The following ITFG1 variants were observed in gnomAD, a reference collection of about 807,000 sequenced individuals.
The protein encoded by ITFG1 is integrin alpha FG-GAP repeat containing 1.
In ITFG1, 34 loss-of-function variants were observed where a neutral mutation model predicts 81.8. The observed-to-expected ratio is 0.42, with a 90% CI of 0.32 to 0.55. ITFG1 has a LOEUF of 0.55. Ranked by LOEUF, ITFG1 falls within the 20% of genes least tolerant of loss-of-function variation. The pLI, the probability that ITFG1 is intolerant of heterozygous loss-of-function variation, is 0.17. For missense variants in ITFG1, 672 were observed against 755.4 expected (o/e 0.89, Z 1.29); for synonymous variants, 285 against 270.6 (o/e 1.05, Z -0.52).
At chr16:47,308,428 A>G (rs1346652981) in intron 10 of ITFG1, among the ~76,000 whole-genome samples, 2 of 152,228 alleles carry the variant, frequency 1.3e-5, no homozygotes, top group Non-Finnish European at 2.9e-5. Flanking sequence ...GTAACCTTTC[A>G]TTGATGAGTC....
At chr16:47,267,700 C>T (rs753596325) in intron 10 of ITFG1, among the ~76,000 whole-genome samples, 3 of 151,982 alleles carry the variant, frequency 2.0e-5, no homozygotes, top group Admixed American at 6.6e-5. Context: ...TTAAGTCATA[C>T]AAAATATTTT....
In ITFG1 at chr16:47,318,532, T is replaced by C. The variant is rs936327942; in HGVS notation, c.803-4709A>G. The stretch of plus-strand genomic sequence containing the variant: ...AAAATTATGGTTTCAATTGTTACAT[T>C]AAATTAAAATTTATATTTTACGCTC... On this transcript the variant is annotated intron_variant, in intron 8 of 17. Transcript: ENST00000320640. Among the ~76,000 whole-genome samples, 47 of 152,296 alleles carry C rather than the reference T, an allele frequency of 3.1e-4. No homozygotes were observed. In the East Asian group the frequency reaches 6.2e-3, roughly 20 times the overall value.
chr16:47,249,969 A>G (rs1966050729), intron 12 of ITFG1, among the ~76,000 whole-genome samples: 1 of 152,230 alleles, frequency 6.6e-6, no homozygotes, highest in Non-Finnish European at 1.5e-5. Flanking sequence ...TAATGGTTTT[A>G]GTTGTGTTTA....
chr16:47,201,190 A>C (rs1260168237), intron 14 of ITFG1, among the ~76,000 whole-genome samples: 1 of 151,928 alleles, frequency 6.6e-6, no homozygotes, highest in Non-Finnish European at 1.5e-5. Context: ...AAAGAATCTG[A>C]ATTTATATTT....
chr16:47,307,120 A>AG (rs1967180396), intron 10 of ITFG1, among the ~76,000 whole-genome samples: 1 of 148,920 alleles, frequency 6.7e-6, no homozygotes, highest in Non-Finnish European at 1.5e-5. Context: ...AAAAAAAAAA[A>AG]AAACGGAGAA....
rs138472396 is a variant in ITFG1, at chr16:47,303,555, G to A, written c.1070+7685C>T. Reference sequence around the variant, plus strand: ...GATTTGGACATTTTAAGTTACTTCCGGAAATCTACAGAAATACACTTCCTG... The same window carrying A: ...GATTTGGACATTTTAAGTTACTTCCAGAAATCTACAGAAATACACTTCCTG... On this transcript the variant is annotated intron_variant, in intron 10 of 17. Coordinates refer to ENST00000320640, the MANE Select transcript of ITFG1 (RefSeq NM_030790.5). 1.8e-4 allele frequency among the ~76,000 whole-genome samples: 27 copies of A among 152,188 alleles called. No individual in the cohort carries two copies. In the East Asian group the frequency reaches 4.3e-3, roughly 24 times the overall value.
At chr16:47,161,648 T>C in intron 16 of ITFG1, 102 bp downstream of exon 16, 4 of 718,630 alleles carry the variant, frequency 5.6e-6, no homozygotes, top group Non-Finnish European at 7.4e-6. Context: ...TGGGCACTCA[T>C]GGGAACACAG....
intron 10 of ITFG1, among the ~76,000 whole-genome samples, chr16:47,291,316 T>C (rs967808855): frequency 1.3e-5 from 2 of 152,226 alleles, no homozygotes; most frequent in Non-Finnish European, 2.9e-5. Flanking sequence ...GTGACTTGAC[T>C]GTTTTGCTGT....
At position 47,459,143 on chromosome 16, in the gene ITFG1, T is replaced by G; in HGVS notation, c.241A>C (p.Asn81His). 6.2e-7 allele frequency: 1 copy of G among 1,601,864 alleles called. No individual in the cohort carries two copies. Residue 81 changes from asparagine to histidine, a missense_variant, in exon 2 of 18, where the codon AAT (asparagine) becomes CAT (histidine). Transcript: ENST00000320640. ...NDLIVFLADQ[N>H]APYFKPKVKV... ...ACTTTGGGTTTAAAATAGGGTGCAT[T>G]CTGGTCTGCCAAAAAGACGATTAAG...
chr16:47,164,798 A>G (rs1964866258), intron 14 of ITFG1, among the ~76,000 whole-genome samples: 1 of 152,192 alleles, frequency 6.6e-6, no homozygotes. Flanking sequence ...AGGGATGGAG[A>G]TTTTCATGCA....
chr16:47,354,323 TG>T (rs1321560179), intron 8 of ITFG1, among the ~76,000 whole-genome samples: 1 of 152,092 alleles, frequency 6.6e-6, no homozygotes, highest in Admixed American at 6.5e-5. Context: ...CTTCAATAAA[TG>T]GTGTTGGGAA....
At chr16:47,223,699 G>A (rs951222143) in intron 13 of ITFG1, among the ~76,000 whole-genome samples, 2 of 152,182 alleles carry the variant, frequency 1.3e-5, no homozygotes, top group African/African-American at 4.8e-5. Flanking sequence ...ATTTGACCCA[G>A]CCGTCCCATT....
At chr16:47,174,967 T>G (rs1965007083) in intron 14 of ITFG1, among the ~76,000 whole-genome samples, 1 of 152,210 alleles carries the variant, frequency 6.6e-6, no homozygotes, top group Non-Finnish European at 1.5e-5. Context: ...CAATATTTTG[T>G]GTAACTCGAA....
At chr16:47,262,461 T>C (rs889404624) in intron 10 of ITFG1, among the ~76,000 whole-genome samples, 1 of 152,262 alleles carries the variant, frequency 6.6e-6, no homozygotes, top group Non-Finnish European at 1.5e-5. Context: ...ACTCTGTTAT[T>C]AGAAGATTGT....
At chr16:47,404,470 A>G (rs1363887565) in intron 6 of ITFG1, among the ~76,000 whole-genome samples, 4 of 152,182 alleles carry the variant, frequency 2.6e-5, no homozygotes, top group African/African-American at 9.7e-5. Context: ...AACATATTAG[A>G]GATATAAAGA....
chr16:47,365,740 G>A, intron 8 of ITFG1, 48 bp downstream of exon 8: 1 of 1,077,070 alleles, frequency 9.3e-7, no homozygotes, highest in Non-Finnish European at 1.4e-6. Flanking sequence ...AAGAAGGAGA[G>A]AATTGGAAAG....
At chr16:47,182,973 G>C (rs1346159061) in intron 14 of ITFG1, among the ~76,000 whole-genome samples, 1 of 152,230 alleles carries the variant, frequency 6.6e-6, no homozygotes, top group Non-Finnish European at 1.5e-5. Context: ...CAAGGGGTCA[G>C]GGAGTTCCCT....
rs139285380 is a variant in ITFG1, at chr16:47,260,578, G to A, written c.1188C>T (p.Ala396=). 557 of 1,614,144 alleles carry A rather than the reference G, an allele frequency of 3.5e-4. 1 individual carries two copies. Among genetic ancestry groups the A allele is most frequent in the Non-Finnish European group, 4.1e-4 (489 of 1,180,016 alleles). ...AAATGTCAAAGAAGGTGGCAACCATGGCATCCTTAATTTGATTTAGGTCTG... is the reference window on the plus strand; with the variant it reads ...AAATGTCAAAGAAGGTGGCAACCATAGCATCCTTAATTTGATTTAGGTCTG... ...ELTDLNQIKD[A]MVATFFDIYE... The change falls in exon 11 of 18, where the codon GCC becomes GCT. Residue 396 remains alanine (A), a synonymous_variant. Coordinates refer to ENST00000320640, the MANE Select transcript of ITFG1 (RefSeq NM_030790.5).
chr16:47,209,705 G>A (rs1040222315), intron 14 of ITFG1, among the ~76,000 whole-genome samples: 1 of 152,020 alleles, frequency 6.6e-6, no homozygotes, highest in African/African-American at 2.4e-5. Context: ...CCATTTCCCC[G>A]TCACCCACAC....
Sources: gnomAD v4.1 joint callset for allele counts (sites outside exome capture counted in the v4.1 genomes callset) on GRCh38, gnomAD v4.1.1 for gene constraint, MANE v1.5 for transcripts, NCBI Gene and HGNC (gene_info 2026-07-23, HGNC 2026-07-21) for gene names.